DOK6: variants seen among roughly 807,000 people sequenced by gnomAD.
DOK6 encodes docking protein 6, also known as downstream of tyrosine kinase 6.
DOK6 carries 22 observed loss-of-function variants against 44.0 expected under a neutral mutation model. The ratio of observed to expected loss-of-function variants is 0.50; its 90% CI spans 0.36 to 0.71. DOK6 has a LOEUF of 0.71. DOK6 is among the 30% of genes least tolerant of loss of function. The pLI is 0.00. For synonymous variants in DOK6, 166 were observed against 145.5 expected, an observed-to-expected ratio of 1.14 and a Z score of -1.01; for missense variants, 340 against 416.4, an observed-to-expected ratio of 0.82 and a Z score of 1.60.
chr18:69,461,460 C>G (rs895085973), intron 1 of DOK6, among the ~76,000 whole-genome samples: 1 of 152,180 alleles, frequency 6.6e-6, no homozygotes, highest in Non-Finnish European at 1.5e-5. Flanking sequence ...TTACTGGCCT[C>G]TATTAAATAA....
intron 4 of DOK6, among the ~76,000 whole-genome samples, chr18:69,691,881 A>C (rs1986276130): frequency 6.6e-6 from 1 of 152,074 alleles, no homozygotes; most frequent in Admixed American, 6.6e-5. Flanking sequence ...GGAGCAGGGG[A>C]GATATCTGAG....
At chr18:69,599,283 G>A in intron 2 of DOK6, 101 bp from the exon 3 acceptor site, 1 of 844,818 alleles carries the variant, frequency 1.2e-6, no homozygotes, top group East Asian at 2.7e-5. Context: ...AATATCCCGT[G>A]GAAATTCATG....
intron 7 of DOK6, among the ~76,000 whole-genome samples, chr18:69,804,751 C>T (rs2852143): frequency 0.8 from 121,902 of 152,090 alleles, 49,339 homozygotes; most frequent in Non-Finnish European, 0.85. Context: ...CAGCCTTCAA[C>T]GAAACTACTT....
intron 2 of DOK6, among the ~76,000 whole-genome samples, chr18:69,589,318 A>G (rs927684535): frequency 1.3e-5 from 2 of 152,068 alleles, no homozygotes; most frequent in Non-Finnish European, 2.9e-5. Flanking sequence ...ACTTGCTCCT[A>G]GAAGGTACTA....
In DOK6 at chr18:69,603,750, G is replaced by A. The variant is rs931357253; in HGVS notation, c.289+4252G>A. ...CGCGCCACTGCACTCCAGCCTGGGC[G>A]ACAGAGCGAGACTCCGTCTCAAAAA... On this transcript the variant is annotated intron_variant, in intron 3 of 7. Coordinates refer to ENST00000382713, the MANE Select transcript of DOK6 (RefSeq NM_152721.6). Among the ~76,000 whole-genome samples, 10 of 131,986 alleles carry A rather than the reference G, an allele frequency of 7.6e-5. No homozygotes were observed. The East Asian group carries it at 1.6e-3, about 21-fold the overall frequency. The allele number at this position is 131,986 out of a possible 152,430, so 86.6% of individuals were successfully genotyped here. A position where few individuals can be genotyped will look rare whatever the true frequency, so the allele number is the denominator to read the frequency against.
At chr18:69,664,023 A>G (rs1472340441) in intron 3 of DOK6, among the ~76,000 whole-genome samples, 1 of 152,228 alleles carries the variant, frequency 6.6e-6, no homozygotes, top group Non-Finnish European at 1.5e-5. Context: ...CAACAAATAC[A>G]TTTTAAAATA....
At chr18:69,805,592 T>G (rs80200258) in intron 7 of DOK6, among the ~76,000 whole-genome samples, 2,127 of 152,260 alleles carry the variant, frequency 0.014, 48 homozygotes, top group African/African-American at 0.048. Context: ...TCACTTGATA[T>G]TCCATAAAAC....
At chr18:69,665,965 G>C (rs73465943) in intron 3 of DOK6, among the ~76,000 whole-genome samples, 1 of 152,144 alleles carries the variant, frequency 6.6e-6, no homozygotes, top group African/African-American at 2.4e-5. Context: ...CCTTTGAGCA[G>C]ACCTTGACTC....
intron 5 of DOK6, among the ~76,000 whole-genome samples, chr18:69,728,043 T>C (rs928141254): frequency 5.9e-5 from 9 of 152,218 alleles, no homozygotes; most frequent in African/African-American, 2.2e-4. Flanking sequence ...ATAACTGAAC[T>C]GATTTGGGCT....
chr18:69,587,139 T>C (rs1046432126), intron 2 of DOK6, among the ~76,000 whole-genome samples: 5 of 152,172 alleles, frequency 3.3e-5, no homozygotes, highest in African/African-American at 1.2e-4. Flanking sequence ...GTCATTGTAG[T>C]AATTGGGGCT....
intron 1 of DOK6, among the ~76,000 whole-genome samples, chr18:69,426,876 G>A (rs946504589): frequency 4.3e-4 from 65 of 152,082 alleles, no homozygotes; most frequent in African/African-American, 1.5e-3. Context: ...AGGAGTACAA[G>A]TGCAGGTTTG....
chr18:69,734,051 T>C (rs551015587), intron 5 of DOK6, among the ~76,000 whole-genome samples: 54 of 152,190 alleles, frequency 3.5e-4, no homozygotes, highest in Admixed American at 9.8e-4. Flanking sequence ...TTTCTGAGTT[T>C]ATGTAGAAAT....
chr18:69,601,171 C>G (rs1983862281), intron 3 of DOK6, among the ~76,000 whole-genome samples: 1 of 152,192 alleles, frequency 6.6e-6, no homozygotes, highest in South Asian at 2.1e-4. Context: ...CTTTGCTGCT[C>G]CATGACTCTT....
chr18:69,580,911 A>T (rs1983353867), intron 2 of DOK6, among the ~76,000 whole-genome samples: 1 of 152,060 alleles, frequency 6.6e-6, no homozygotes, highest in South Asian at 2.1e-4. Context: ...TTCTACATGC[A>T]GTGAGAACGT....
intron 3 of DOK6, chr18:69,661,022 A>C (rs1025115227): frequency 6.6e-6 from 1 of 152,220 alleles, no homozygotes; most frequent in African/African-American, 2.4e-5. Context: ...GAGACAGCAG[A>C]TGCTGAAAGT....
At chr18:69,608,653 G>A (rs1984058620) in intron 3 of DOK6, among the ~76,000 whole-genome samples, 1 of 151,986 alleles carries the variant, frequency 6.6e-6, no homozygotes, top group African/African-American at 2.4e-5. Flanking sequence ...TTTTCCATTT[G>A]TTTGTATCTT....
intron 3 of DOK6, chr18:69,661,601 T>C (rs549059797): frequency 2.6e-4 from 40 of 152,364 alleles, no homozygotes; most frequent in Admixed American, 1.6e-3. Context: ...GGTTCCTGTA[T>C]GTGTAATTGT....
At chr18:69,775,548 T>C (rs184786611) in intron 7 of DOK6, among the ~76,000 whole-genome samples, 8 of 151,742 alleles carry the variant, frequency 5.3e-5, no homozygotes, top group Non-Finnish European at 1.0e-4. Context: ...AGATTATAAA[T>C]ACATCTAAAC....
chr18:69,580,692 T>C (rs372898464), intron 2 of DOK6, among the ~76,000 whole-genome samples: 8 of 152,328 alleles, frequency 5.3e-5, no homozygotes, highest in African/African-American at 1.9e-4. Flanking sequence ...AGAATGTTAA[T>C]CATCTGTCCT....
Sources: gnomAD v4.1 joint callset for allele counts (sites outside exome capture counted in the v4.1 genomes callset) on GRCh38, gnomAD v4.1.1 for gene constraint, MANE v1.5 for transcripts, NCBI Gene and HGNC (gene_info 2026-07-23, HGNC 2026-07-21) for gene names.